The following DLG2 variants were observed in gnomAD, a reference collection of about 807,000 sequenced individuals.
DLG2 encodes discs large MAGUK scaffold protein 2, also known as disks large homolog 2.
DLG2 carries 45 observed loss-of-function variants against 132.5 expected under a neutral mutation model. That is an observed-to-expected ratio of 0.34 (90% CI 0.27 to 0.44). DLG2 has a LOEUF of 0.44. Among genes scored for constraint, DLG2 ranks in the 20% least tolerant of loss-of-function variants. The probability of loss-of-function intolerance (pLI) is 1.00; values close to 1 mark genes in which losing one functional copy is unlikely to be tolerated. For synonymous variants in DLG2, 424 were observed against 419.6 expected (o/e 1.01, Z -0.13); for missense variants, 1,045 against 1,196.9 (o/e 0.87, Z 1.87).
At chr11:85,481,904 C>T (rs955666639) in intron 3 of DLG2, among the ~76,000 whole-genome samples, 3 of 152,086 alleles carry the variant, frequency 2.0e-5, no homozygotes, top group Non-Finnish European at 1.5e-5. Context: ...GCAGACTGAG[C>T]TTCCAAACCT....
intron 18 of DLG2, among the ~76,000 whole-genome samples, chr11:83,769,515 G>A (rs1017188361): frequency 6.6e-6 from 1 of 151,264 alleles, no homozygotes; most frequent in Non-Finnish European, 1.5e-5. Context: ...TGGGGATGGA[G>A]TGTATGGTTA....
At chr11:83,969,412 T>C (rs1196523187) in intron 12 of DLG2, among the ~76,000 whole-genome samples, 1 of 152,204 alleles carries the variant, frequency 6.6e-6, no homozygotes, top group African/African-American at 2.4e-5. Flanking sequence ...GTATACTGCA[T>C]CATCCTAATA....
intron 16 of DLG2, among the ~76,000 whole-genome samples, chr11:83,863,860 G>A (rs967696870): frequency 3.3e-5 from 5 of 152,120 alleles, no homozygotes; most frequent in African/African-American, 1.2e-4. Flanking sequence ...AGAGACTTGA[G>A]GACAAGCAAG....
chr11:85,541,125 A>G (rs933650782), intron 3 of DLG2, among the ~76,000 whole-genome samples: 1 of 152,186 alleles, frequency 6.6e-6, no homozygotes, highest in African/African-American at 2.4e-5. Flanking sequence ...GTCTTACAAA[A>G]AGCATAATTG....
chr11:84,773,539 C>A (rs2069804476), intron 6 of DLG2, among the ~76,000 whole-genome samples: 1 of 152,178 alleles, frequency 6.6e-6, no homozygotes, highest in African/African-American at 2.4e-5. Flanking sequence ...TGCTAGCAAA[C>A]TGAATCCAGC....
intron 3 of DLG2, among the ~76,000 whole-genome samples, chr11:85,471,176 T>G (rs1174619068): frequency 6.6e-6 from 1 of 152,180 alleles, no homozygotes; most frequent in Non-Finnish European, 1.5e-5. Context: ...ACTCTCACCA[T>G]ATTGTTCCAG....
intron 14 of DLG2, among the ~76,000 whole-genome samples, chr11:83,940,534 G>A (rs897217137): frequency 6.6e-6 from 1 of 152,148 alleles, no homozygotes; most frequent in Non-Finnish European, 1.5e-5. Context: ...CCTGACTTGT[G>A]AGTGGTAGCG....
chr11:84,101,307 T>C (rs557345571), intron 9 of DLG2, among the ~76,000 whole-genome samples: 23 of 152,086 alleles, frequency 1.5e-4, no homozygotes, highest in Non-Finnish European at 2.9e-4. Context: ...GAACAGACAA[T>C]AAAGTTGGAA....
intron 7 of DLG2, among the ~76,000 whole-genome samples, chr11:84,392,800 T>TG (rs1265055660): frequency 1.3e-5 from 2 of 152,316 alleles, no homozygotes; most frequent in East Asian, 3.9e-4. Context: ...ATTCTAAACT[T>TG]AGTTACTATA....
At chr11:83,870,673 T>G (rs1210196733) in intron 16 of DLG2, among the ~76,000 whole-genome samples, 1 of 152,202 alleles carries the variant, frequency 6.6e-6, no homozygotes, top group African/African-American at 2.4e-5. Flanking sequence ...GATTCAATTT[T>G]TTCTGAGAAG....
intron 18 of DLG2, among the ~76,000 whole-genome samples, chr11:83,736,923 T>A (rs1039814469): frequency 2.6e-5 from 4 of 152,224 alleles, no homozygotes; most frequent in African/African-American, 9.6e-5. Context: ...CATGACAGAA[T>A]TTGGGACACT....
intron 6 of DLG2, among the ~76,000 whole-genome samples, chr11:84,769,996 T>C (rs1251736532): frequency 2.6e-5 from 4 of 152,184 alleles, no homozygotes; most frequent in African/African-American, 9.7e-5. Flanking sequence ...TCTGCAAATC[T>C]CATGTTAAAA....
chr11:84,984,679 T>G (rs1202346478), intron 6 of DLG2, among the ~76,000 whole-genome samples: 1 of 151,892 alleles, frequency 6.6e-6, no homozygotes, highest in Non-Finnish European at 1.5e-5. Flanking sequence ...GCCTAAATGC[T>G]CCACTTAAAA....
intron 7 of DLG2, among the ~76,000 whole-genome samples, chr11:84,383,005 A>C (rs1317621490): frequency 6.6e-6 from 1 of 151,758 alleles, no homozygotes; most frequent in African/African-American, 2.4e-5. Flanking sequence ...TCTGTCCTCC[A>C]CATTGCTGCC....
At chr11:83,905,439 C>T (rs1419375254) in intron 15 of DLG2, among the ~76,000 whole-genome samples, 1 of 152,078 alleles carries the variant, frequency 6.6e-6, no homozygotes, top group Non-Finnish European at 1.5e-5. Context: ...TCCTTTGCAG[C>T]ACTTATCACA....
chr11:83,724,476 T>TGTGAGAGAGAGGAGAGA (rs762050933), intron 18 of DLG2, among the ~76,000 whole-genome samples: 2 of 118,154 alleles, frequency 1.7e-5, no homozygotes, highest in Non-Finnish European at 3.6e-5. Context: ...TGTGTGTGTG[T>TGTGAGAGAGAGGAGAGA]GAGAGAGAGA....
chr11:83,814,330 C>T (rs542255493), intron 17 of DLG2, among the ~76,000 whole-genome samples: 1 of 152,190 alleles, frequency 6.6e-6, no homozygotes, highest in Non-Finnish European at 1.5e-5. Flanking sequence ...TAAACAGGGC[C>T]GTTACTCTAC....
intron 19 of DLG2, among the ~76,000 whole-genome samples, chr11:83,578,040 T>G (rs908576354): frequency 8.4e-5 from 8 of 95,384 alleles, no homozygotes; most frequent in African/African-American, 3.6e-4. Context: ...ATGGGGTTTA[T>G]TTTGTGTGTG....
intron 16 of DLG2, among the ~76,000 whole-genome samples, chr11:83,848,839 C>G (rs1044574757): frequency 6.6e-6 from 1 of 152,152 alleles, no homozygotes; most frequent in South Asian, 2.1e-4. Flanking sequence ...GTGTGTTCTT[C>G]CTCTGTTTGG....
Sources: allele counts gnomAD v4.1 joint callset (sites outside exome capture counted in the v4.1 genomes callset), GRCh38; gene constraint gnomAD v4.1.1; transcripts MANE v1.5; gene names NCBI Gene and HGNC (gene_info 2026-07-23, HGNC 2026-07-21).